LRRFIP2: variants seen among roughly 807,000 people sequenced by gnomAD.
LRRFIP2 encodes LRR binding FLII interacting protein 2, also known as leucine-rich repeat flightless-interacting protein 2.
Under a neutral mutation model 125.9 loss-of-function variants are expected in LRRFIP2, and 109 were observed. The ratio of observed to expected loss-of-function variants is 0.87; its 90% CI spans 0.74 to 1.01. The LOEUF (loss-of-function observed/expected upper bound fraction) is 1.01. LRRFIP2 is among the 50% of genes least tolerant of loss of function. The probability of loss-of-function intolerance (pLI) is 0.00; values close to 1 mark genes in which losing one functional copy is unlikely to be tolerated. For missense variants in LRRFIP2, 850 were observed against 862.3 expected (o/e 0.99, Z 0.18); for synonymous variants, 291 against 293.1 (o/e 0.99, Z 0.07).
At chr3:37,113,033 A>G in intron 7 of LRRFIP2, 53 bp from the exon 8 acceptor site, 1 of 992,218 alleles carries the variant, frequency 1.0e-6, no homozygotes, top group Non-Finnish European at 1.6e-6. Context: ...GAAGTTATGA[A>G]AATAATAAAA....
chr3:37,146,477 C>G (rs939829240), intron 2 of LRRFIP2, among the ~76,000 whole-genome samples: 1 of 152,194 alleles, frequency 6.6e-6, no homozygotes, highest in Non-Finnish European at 1.5e-5. Flanking sequence ...TGTGCTCCCT[C>G]TCCACAGGCC....
At chr3:37,097,196 C>CAAA (rs567057697) in intron 15 of LRRFIP2, among the ~76,000 whole-genome samples, 1 of 120,534 alleles carries the variant, frequency 8.3e-6, no homozygotes, top group Non-Finnish European at 1.8e-5. Context: ...TGCACATGAC[C>CAAA]AAAAAAAAAA....
chr3:37,122,013 C>T (rs186903980), intron 4 of LRRFIP2, among the ~76,000 whole-genome samples: 327 of 151,552 alleles, frequency 2.2e-3, no homozygotes, highest in African/African-American at 7.4e-3. Flanking sequence ...TGGTGTGCTG[C>T]ACCCATTAAC....
At chr3:37,161,454 A>G (rs2096342694) in intron 1 of LRRFIP2, among the ~76,000 whole-genome samples, 2 of 152,246 alleles carry the variant, frequency 1.3e-5, no homozygotes, top group Non-Finnish European at 2.9e-5. Context: ...CCAGACACAA[A>G]GATTACATAT....
At chr3:37,165,691 G>A (rs1375355287) in intron 1 of LRRFIP2, among the ~76,000 whole-genome samples, 7 of 151,486 alleles carry the variant, frequency 4.6e-5, no homozygotes, top group Non-Finnish European at 1.0e-4. Context: ...GGTGGTGGAG[G>A]TTGCAGTGAG....
At chr3:37,069,085 A>G (rs2090691573) in intron 21 of LRRFIP2, among the ~76,000 whole-genome samples, 4 of 152,220 alleles carry the variant, frequency 2.6e-5, no homozygotes, top group Non-Finnish European at 2.9e-5. Context: ...TATTATAATG[A>G]TAACAAATGT....
chr3:37,150,254 G>C (rs1239624810), intron 1 of LRRFIP2, among the ~76,000 whole-genome samples: 2 of 152,100 alleles, frequency 1.3e-5, no homozygotes, highest in Non-Finnish European at 2.9e-5. Flanking sequence ...CCTGGGATCA[G>C]GAGTTCAAGA....
intron 15 of LRRFIP2, among the ~76,000 whole-genome samples, chr3:37,099,592 C>T (rs1041632937): frequency 6.6e-6 from 1 of 152,098 alleles, no homozygotes; most frequent in African/African-American, 2.4e-5. Context: ...GAAGGGAAGA[C>T]ATCAATCAAT....
At position 37,053,079 on chromosome 3, in the gene LRRFIP2, C is replaced by T. The variant is rs1344499634; in HGVS notation, c.*772G>A. ...ATCTGCCTGCCCTGCCCTACCCTCC[C>T]CCTTTGGGTTTGTTTGAGGTTTCAT... On this transcript the variant is annotated 3_prime_UTR_variant, in exon 28 of 28. Transcript: ENST00000336686. 6.6e-6 allele frequency: 1 copy of T among 152,500 alleles called. No homozygotes were observed. The highest frequency in any genetic ancestry group is 1.5e-5 in the Non-Finnish European group (1 of 68,026). 9.4% of individuals were successfully genotyped at this position (152,500 alleles called of 1,614,324 possible). A position where few individuals can be genotyped will look rare whatever the true frequency, so the allele number is the denominator to read the frequency against.
chr3:37,164,525 C>G (rs1315466014), intron 1 of LRRFIP2, among the ~76,000 whole-genome samples: 3 of 152,080 alleles, frequency 2.0e-5, no homozygotes, highest in Admixed American at 2.0e-4. Context: ...CGAGATCAGC[C>G]TGACCAACAT....
chr3:37,127,382 CA>C (rs1378012068), intron 4 of LRRFIP2, among the ~76,000 whole-genome samples: 2 of 152,018 alleles, frequency 1.3e-5, no homozygotes, highest in Admixed American at 6.6e-5. Context: ...AGAAAACACA[CA>C]TTCATTTTCT....
intron 1 of LRRFIP2, among the ~76,000 whole-genome samples, chr3:37,165,795 G>GAGAAAGAAAAAA (rs2096466620): frequency 5.6e-5 from 1 of 17,998 alleles, no homozygotes; most frequent in African/African-American, 1.8e-4. Context: ...GAGAAAGAAA[G>GAGAAAGAAAAAA]AGAAAGAAAG....
chr3:37,114,946 CA>C (rs934570894), intron 7 of LRRFIP2, 107 bp downstream of exon 7: 2 of 875,948 alleles, frequency 2.3e-6, no homozygotes, highest in African/African-American at 1.7e-5. Flanking sequence ...ACATTTTCCC[CA>C]AAAGTTCATA....
intron 19 of LRRFIP2, 110 bp downstream of exon 19, chr3:37,083,526 A>T (rs1367176551): frequency 2.7e-6 from 2 of 745,626 alleles, no homozygotes; most frequent in African/African-American, 1.9e-5. Flanking sequence ...TGGGCCATTC[A>T]GTTTTGACTG....
At chr3:37,169,692 C>T (rs2096559028) in intron 1 of LRRFIP2, among the ~76,000 whole-genome samples, 1 of 152,040 alleles carries the variant, frequency 6.6e-6, no homozygotes, top group African/African-American at 2.4e-5. Flanking sequence ...ACAACATGCT[C>T]AGAACAGTAA....
chr3:37,056,318 C>G (rs2086842460), intron 25 of LRRFIP2, among the ~76,000 whole-genome samples: 1 of 152,084 alleles, frequency 6.6e-6, no homozygotes. Context: ...GGCATGATTA[C>G]AGTAATAAGA....
chr3:37,141,671 G>A (rs2095705007), intron 2 of LRRFIP2, among the ~76,000 whole-genome samples: 1 of 152,146 alleles, frequency 6.6e-6, no homozygotes, highest in Non-Finnish European at 1.5e-5. Context: ...ATATGCTGTT[G>A]CTGAATCCTG....
chr3:37,100,158 A>C (rs990453328), intron 15 of LRRFIP2, among the ~76,000 whole-genome samples: 2 of 152,054 alleles, frequency 1.3e-5, no homozygotes, highest in Non-Finnish European at 2.9e-5. Context: ...AAAATTAAGG[A>C]TAAGGTACTG....
chr3:37,108,530 T>G (rs1439812861), intron 12 of LRRFIP2, 107 bp downstream of exon 12: 1 of 880,614 alleles, frequency 1.1e-6, no homozygotes, highest in Admixed American at 2.4e-5. Flanking sequence ...AATGACTTTT[T>G]CTTTGTATAT....
Sources: allele counts gnomAD v4.1 joint callset (sites outside exome capture counted in the v4.1 genomes callset), GRCh38; gene constraint gnomAD v4.1.1; transcripts MANE v1.5; gene names NCBI Gene and HGNC (gene_info 2026-07-23, HGNC 2026-07-21).